Variants in PLCB1 observed in about 807,000 individuals in gnomAD.
PLCB1 encodes 1-phosphatidylinositol 4,5-bisphosphate phosphodiesterase beta-1.
A neutral mutation model predicts 161.8 loss-of-function variants in PLCB1; 46 were observed. The ratio of observed to expected loss-of-function variants is 0.28; its 90% CI spans 0.22 to 0.36. PLCB1 has a LOEUF of 0.36. PLCB1 is among the 10% of genes least tolerant of loss of function. The pLI is 1.00. For synonymous variants in PLCB1, 517 were observed against 503.7 expected (o/e 1.03, Z -0.35); for missense variants, 1,016 against 1,472.5 (o/e 0.69, Z 5.07).
At chr20:8,150,218 A>G (rs899388520) in intron 1 of PLCB1, 76 bp from the exon 2 acceptor site, 7 of 631,910 alleles carry the variant, frequency 1.1e-5, no homozygotes, top group Non-Finnish European at 1.9e-5. Flanking sequence ...TACAATTATT[A>G]CTTCTTAAAT....
Position 8,662,208 on chromosome 20 carries a change from T to C in PLCB1, c.862+3504T>C, listed in dbSNP as rs1360735127. Among the ~76,000 whole-genome samples the C allele has an allele frequency of 7.5e-5, 5 of 66,908 alleles. No homozygotes were observed. The East Asian group carries it at 2.3e-3, about 31-fold the overall frequency. 43.9% of individuals were successfully genotyped at this position (66,908 alleles called of 152,430 possible). ...AATTATTTATTATATAATTCTATATTATATATAATTATTATATAATTCTAT... is the reference window on the plus strand; with the variant it reads ...AATTATTTATTATATAATTCTATATCATATATAATTATTATATAATTCTAT... On this transcript the variant is annotated intron_variant, in intron 9 of 31. Coordinates refer to ENST00000338037, the MANE Select transcript of PLCB1 (RefSeq NM_015192.4).
chr20:8,814,150 T>TC (rs760861612), intron 31 of PLCB1, among the ~76,000 whole-genome samples: 5 of 152,304 alleles, frequency 3.3e-5, no homozygotes, highest in African/African-American at 9.6e-5. Flanking sequence ...CTACAGTCCC[T>TC]CAGTATTTAA....
chr20:8,139,457 C>A (rs911822435), intron 1 of PLCB1, among the ~76,000 whole-genome samples: 1 of 151,686 alleles, frequency 6.6e-6, no homozygotes, highest in Non-Finnish European at 1.5e-5. Flanking sequence ...ACTGAATTGA[C>A]GTTTAATGTA....
intron 4 of PLCB1, among the ~76,000 whole-genome samples, chr20:8,643,664 T>G (rs1303944311): frequency 1.3e-5 from 2 of 151,918 alleles, no homozygotes; most frequent in Non-Finnish European, 2.9e-5. Context: ...CTGAGGCGGG[T>G]GGATCACGAG....
intron 3 of PLCB1, among the ~76,000 whole-genome samples, chr20:8,540,864 G>T (rs1261833581): frequency 6.6e-6 from 1 of 151,956 alleles, no homozygotes; most frequent in African/African-American, 2.4e-5. Flanking sequence ...TTCTACCAGG[G>T]CTATTCTAAG....
chr20:8,874,688 G>A (rs1987718001), intron 31 of PLCB1, among the ~76,000 whole-genome samples: 1 of 151,966 alleles, frequency 6.6e-6, no homozygotes, highest in South Asian at 2.1e-4. Context: ...TGCATATGTG[G>A]CAAAACATTG....
At chr20:8,216,990 G>A (rs568227238) in intron 2 of PLCB1, among the ~76,000 whole-genome samples, 10 of 152,192 alleles carry the variant, frequency 6.6e-5, no homozygotes, top group South Asian at 4.2e-4. Flanking sequence ...CCTCTTGTGC[G>A]TGGCTCACCA....
chr20:8,156,255 G>T (rs2051560621), intron 2 of PLCB1, among the ~76,000 whole-genome samples: 1 of 152,126 alleles, frequency 6.6e-6, no homozygotes, highest in Non-Finnish European at 1.5e-5. Flanking sequence ...TCACCTCTTG[G>T]GTGGGATAAC....
intron 27 of PLCB1, among the ~76,000 whole-genome samples, chr20:8,783,625 T>C (rs1983343543): frequency 6.6e-6 from 1 of 152,138 alleles, no homozygotes; most frequent in African/African-American, 2.4e-5. Context: ...GCCAGAAGGG[T>C]ATATACTAGA....
chr20:8,155,895 G>A (rs1279582207), intron 2 of PLCB1, among the ~76,000 whole-genome samples: 1 of 152,158 alleles, frequency 6.6e-6, no homozygotes, highest in African/African-American at 2.4e-5. Context: ...TTCACGTGAG[G>A]ATTGCTTTGT....
chr20:8,218,709 A>G (rs1484823457), intron 2 of PLCB1, among the ~76,000 whole-genome samples: 1 of 151,904 alleles, frequency 6.6e-6, no homozygotes, highest in Non-Finnish European at 1.5e-5. Context: ...AGTCGGTCTC[A>G]AGGAAGGGGC....
intron 3 of PLCB1, among the ~76,000 whole-genome samples, chr20:8,486,990 A>C (rs1982758458): frequency 6.6e-6 from 1 of 152,214 alleles, no homozygotes; most frequent in South Asian, 2.1e-4. Flanking sequence ...CCACCATAGA[A>C]ATGAACGTGA....
At chr20:8,273,045 T>C (rs1056166224) in intron 2 of PLCB1, among the ~76,000 whole-genome samples, 2 of 152,140 alleles carry the variant, frequency 1.3e-5, no homozygotes, top group African/African-American at 4.8e-5. Flanking sequence ...AATTAAAATG[T>C]ACCAATTCCC....
intron 25 of PLCB1, among the ~76,000 whole-genome samples, chr20:8,762,201 A>C (rs939871489): frequency 1.3e-5 from 2 of 152,112 alleles, no homozygotes; most frequent in African/African-American, 2.4e-5. Flanking sequence ...CAAGCGCGAA[A>C]CTCTGTCTCA....
chr20:8,835,720 C>T (rs1449567998), intron 31 of PLCB1, among the ~76,000 whole-genome samples: 1 of 151,716 alleles, frequency 6.6e-6, no homozygotes, highest in Admixed American at 6.6e-5. Flanking sequence ...AAAAGTTTCT[C>T]CATACATATT....
At chr20:8,424,218 C>G (rs879614201) in intron 3 of PLCB1, among the ~76,000 whole-genome samples, 2 of 152,102 alleles carry the variant, frequency 1.3e-5, no homozygotes, top group Non-Finnish European at 2.9e-5. Flanking sequence ...ACGAGATAAG[C>G]CACACAGAGC....
intron 3 of PLCB1, among the ~76,000 whole-genome samples, chr20:8,509,732 AGATAGAT>A (rs1365705925): frequency 2.7e-4 from 1 of 3,722 alleles, no homozygotes; most frequent in East Asian, 9.8e-3. Flanking sequence ...GGCAGATCAT[AGATAGAT>A]AGATAGATAG....
intron 9 of PLCB1, among the ~76,000 whole-genome samples, chr20:8,671,770 G>A (rs1163259721): frequency 6.6e-6 from 1 of 152,124 alleles, no homozygotes; most frequent in East Asian, 1.9e-4. Context: ...CCAGGCCAGT[G>A]TTAGGAAAGT....
At chr20:8,140,065 A>G (rs114272445) in intron 1 of PLCB1, among the ~76,000 whole-genome samples, 3,303 of 152,292 alleles carry the variant, frequency 0.022, 88 homozygotes, top group African/African-American at 0.063. Context: ...GGCAGTGGTG[A>G]CAGTGGCCAC....
Sources: gnomAD v4.1 joint callset for allele counts (sites outside exome capture counted in the v4.1 genomes callset) on GRCh38, gnomAD v4.1.1 for gene constraint, MANE v1.5 for transcripts, NCBI Gene and HGNC (gene_info 2026-07-23, HGNC 2026-07-21) for gene names.